ACBD6: variants seen among roughly 807,000 people sequenced by gnomAD.
The protein encoded by ACBD6 is acyl-CoA binding domain containing 6, also known as acyl-CoA-binding domain-containing protein 6.
A neutral mutation model predicts 37.2 loss-of-function variants in ACBD6; 28 were observed. The observed-to-expected ratio is 0.75, with a 90% confidence interval of 0.56 to 1.03. The LOEUF is 1.03. Among genes scored for constraint, ACBD6 ranks in the 50% least tolerant of loss-of-function variants. The pLI is 0.00. For synonymous variants in ACBD6, 113 were observed against 126.8 expected (o/e 0.89, Z 0.73); for missense variants, 340 against 337.4 (o/e 1.01, Z -0.06).
chr1:180,497,216 T>C lies in ACBD6; in HGVS notation c.223-1691A>G, dbSNP rs58483603. 6.7e-3 allele frequency among the ~76,000 whole-genome samples: 1,014 copies of C among 152,324 alleles called. 17 individuals are homozygous for C. The highest frequency in any genetic ancestry group is 0.023 in the African/African-American group (968 of 41,560). ...ATCCAGTGGCAGAAACAAATGCCAA[T>C]AGTTCTCCATTTCTCCTATAGTAAC... is the stretch of plus-strand genomic sequence containing the variant. On this transcript the variant is annotated intron_variant, in intron 1 of 7. Transcript: ENST00000367595.
At chr1:180,379,481 T>A (rs1242984494) in intron 6 of ACBD6, among the ~76,000 whole-genome samples, 2 of 152,124 alleles carry the variant, frequency 1.3e-5, no homozygotes, top group East Asian at 3.8e-4. Flanking sequence ...TACAAGGGAA[T>A]TCTGAAAAAC....
rs529860664 is a variant in ACBD6 at position 180,277,776 on chromosome 1, T to C, written c.*175-2364A>G. The C allele has an allele frequency of 2.6e-5, 4 of 152,048 alleles. No homozygotes were observed. The South Asian group carries it at 6.2e-4, about 24-fold the overall frequency. 9.4% of individuals were successfully genotyped at this position (152,048 alleles called of 1,614,324 possible). On this transcript the variant is annotated intron_variant, in intron 9 of 13. Coordinates refer to the ACBD6 transcript ENST00000642319. ...AACGTAAAATAAAGATCAACTATCATTGATAACACTGTTCCTGCAAATGAA... is the reference window on the plus strand; with the variant it reads ...AACGTAAAATAAAGATCAACTATCACTGATAACACTGTTCCTGCAAATGAA...
downstream of ACBD6, among the ~76,000 whole-genome samples, chr1:180,284,137 T>C (rs1379168157): frequency 2.0e-5 from 3 of 152,192 alleles, no homozygotes; most frequent in Admixed American, 6.5e-5. Context: ...AATTAATGCA[T>C]ATTTGAAAAT....
chr1:180,479,006 A>C (rs1178977201), intron 3 of ACBD6, among the ~76,000 whole-genome samples: 1 of 152,090 alleles, frequency 6.6e-6, no homozygotes, highest in Non-Finnish European at 1.5e-5. Context: ...GATGGCACAC[A>C]CCTGTAGTCC....
chr1:180,420,934 A>AT, intron 4 of ACBD6, among the ~76,000 whole-genome samples: 2 of 151,726 alleles, frequency 1.3e-5, no homozygotes, highest in Non-Finnish European at 2.9e-5. Context: ...CCTTTGTGGC[A>AT]TTTTTTTCCT....
intron 3 of ACBD6, among the ~76,000 whole-genome samples, chr1:180,453,199 A>G (rs986715546): frequency 6.6e-6 from 1 of 152,238 alleles, no homozygotes; most frequent in Non-Finnish European, 1.5e-5. Flanking sequence ...CCAGCAGCAC[A>G]TCAAAAAGCT....
At position 180,316,801 on chromosome 1, in the gene ACBD6, T is replaced by C. The variant is rs1650832046; in HGVS notation, c.664-2079A>G. 2.6e-5 allele frequency among the ~76,000 whole-genome samples: 4 copies of C among 152,204 alleles called. No homozygotes were observed. In the South Asian group the frequency reaches 8.3e-4, roughly 32 times the overall value. ...CAATGAAATGAATGAGACAGAGGTC[T>C]CTAATGTTATAAATCTTATGTTGTA... On this transcript the variant is annotated intron_variant, in intron 6 of 7. Transcript: ENST00000367595.
At chr1:180,347,631 T>C (rs747823726) in intron 6 of ACBD6, among the ~76,000 whole-genome samples, 12 of 152,108 alleles carry the variant, frequency 7.9e-5, no homozygotes, top group Non-Finnish European at 1.2e-4. Flanking sequence ...TTCCCTATCC[T>C]TGAAAATTTT....
At chr1:180,488,588 T>G (rs1225591678) in intron 3 of ACBD6, among the ~76,000 whole-genome samples, 1 of 152,066 alleles carries the variant, frequency 6.6e-6, no homozygotes, top group Non-Finnish European at 1.5e-5. Context: ...TGGCTTTTTT[T>G]TTTTGAGATG....
chr1:180,310,261 G>A (rs571859863), intron 7 of ACBD6, among the ~76,000 whole-genome samples: 16 of 152,112 alleles, frequency 1.1e-4, no homozygotes, highest in Non-Finnish European at 2.1e-4. Context: ...TTGGGAGGCT[G>A]AGGCAGAAGG....
At chr1:180,327,689 T>C (rs1477668766) in intron 6 of ACBD6, among the ~76,000 whole-genome samples, 1 of 152,224 alleles carries the variant, frequency 6.6e-6, no homozygotes, top group East Asian at 1.9e-4. Flanking sequence ...TTAAACCCTT[T>C]AGAAGAATGT....
At chr1:180,388,390 A>T (rs1244737984) in intron 6 of ACBD6, among the ~76,000 whole-genome samples, 1 of 152,216 alleles carries the variant, frequency 6.6e-6, no homozygotes, top group Non-Finnish European at 1.5e-5. Flanking sequence ...TCATCTAAGC[A>T]TTAAAGAATA....
At position 180,502,319 on chromosome 1, in the gene ACBD6, G is replaced by C; in HGVS notation, c.-53C>G. The stretch of plus-strand genomic sequence containing the variant: ...GTCCGGTCTGTCCTCCTTGGATTGG[G>C]TGTAAGGCCGGCTTGGAGGCCTGGC... On this transcript the variant is annotated 5_prime_UTR_variant, in exon 1 of 8. Transcript: ENST00000367595. The C allele has an allele frequency of 1.3e-6, 2 of 1,593,578 alleles. No homozygotes were observed. Among genetic ancestry groups the C allele is most frequent in the Non-Finnish European group, 1.7e-6 (2 of 1,167,770 alleles).
At chr1:180,496,476 C>G (rs1041046954) in intron 1 of ACBD6, among the ~76,000 whole-genome samples, 3 of 152,270 alleles carry the variant, frequency 2.0e-5, no homozygotes, top group African/African-American at 7.2e-5. Flanking sequence ...CTAACTGATG[C>G]CTTCATCTAA....
At chr1:180,450,057 A>G (rs1649645252) in intron 3 of ACBD6, among the ~76,000 whole-genome samples, 1 of 152,070 alleles carries the variant, frequency 6.6e-6, no homozygotes, top group Non-Finnish European at 1.5e-5. Context: ...ATAAAATAAA[A>G]TGAAATTTAA....
chr1:180,341,415 G>T (rs1558257683), intron 6 of ACBD6, among the ~76,000 whole-genome samples: 2 of 151,996 alleles, frequency 1.3e-5, no homozygotes, highest in Non-Finnish European at 2.9e-5. Context: ...ACAGGAAAAA[G>T]ATTTTAAAAA....
rs1653499446 is a variant in ACBD6, at chr1:180,377,958, T to TAATAAA, written c.663+19557_663+19558insTTTATT. On this transcript the variant is annotated intron_variant, in intron 6 of 7. Transcript: ENST00000367595. Reference sequence around the variant, plus strand: ...ACAAAACTCTGTCTCAAAATAATAATAATAATAATAATAATAATAATAATA... The same window carrying TAATAAA: ...ACAAAACTCTGTCTCAAAATAATAATAATAAAAATAATAATAATAATAATAATAATA... 3.4e-5 allele frequency among the ~76,000 whole-genome samples: 5 copies of TAATAAA among 148,000 alleles called. No homozygotes were observed. In the South Asian group the frequency reaches 1.1e-3, roughly 31 times the overall value.
At chr1:180,299,705 T>C (rs374663884) in intron 7 of ACBD6, among the ~76,000 whole-genome samples, 1 of 152,066 alleles carries the variant, frequency 6.6e-6, no homozygotes, top group Non-Finnish European at 1.5e-5. Context: ...TGAAATCACA[T>C]GACTGCACGT....
chr1:180,374,493 G>C (rs1653364848), intron 6 of ACBD6, among the ~76,000 whole-genome samples: 3 of 152,226 alleles, frequency 2.0e-5, no homozygotes, highest in African/African-American at 7.2e-5. Flanking sequence ...TGAAGGCTAA[G>C]AGTGTTTTCA....
Sources: gnomAD v4.1 joint callset for allele counts (sites outside exome capture counted in the v4.1 genomes callset) on GRCh38, gnomAD v4.1.1 for gene constraint, MANE v1.5 for transcripts, NCBI Gene and HGNC (gene_info 2026-07-23, HGNC 2026-07-21) for gene names.